CDH18: variants seen among roughly 807,000 people sequenced by gnomAD.
CDH18 encodes the protein cadherin-18.
In CDH18, 31 loss-of-function variants were observed where a neutral mutation model predicts 67.9. That is an observed-to-expected ratio of 0.46 (90% CI 0.34 to 0.62). The LOEUF (loss-of-function observed/expected upper bound fraction) is 0.62. Ranked by LOEUF, CDH18 falls within the 20% of genes least tolerant of loss-of-function variation. The pLI, the probability that CDH18 is intolerant of heterozygous loss-of-function variation, is 0.01. For synonymous variants in CDH18, 362 were observed against 347.2 expected, an observed-to-expected ratio of 1.04 and a Z score of -0.48; for missense variants, 890 against 975.5, an observed-to-expected ratio of 0.91 and a Z score of 1.17.
chr5:20,301,758 A>G (rs1735933342), intron 1 of CDH18, among the ~76,000 whole-genome samples: 1 of 147,842 alleles, frequency 6.8e-6, no homozygotes, highest in African/African-American at 2.5e-5. Context: ...TCCCCTCCAC[A>G]CCAGAAAAGG....
At chr5:19,867,294 C>G (rs10063709) in intron 2 of CDH18, among the ~76,000 whole-genome samples, 3,107 of 152,168 alleles carry the variant, frequency 0.02, 106 homozygotes, top group African/African-American at 0.069. Context: ...CTAAATCTTA[C>G]CTTCATAATC....
At chr5:20,504,178 C>T (rs1268087013) in intron 1 of CDH18, among the ~76,000 whole-genome samples, 1 of 152,050 alleles carries the variant, frequency 6.6e-6, no homozygotes. Context: ...ATTTAAGATA[C>T]TAGTGAGACG....
At chr5:19,970,215 A>C (rs187644960) in intron 2 of CDH18, among the ~76,000 whole-genome samples, 1 of 151,340 alleles carries the variant, frequency 6.6e-6, no homozygotes, top group Non-Finnish European at 1.5e-5. Context: ...TCAATGAATA[A>C]ATTATAATAA....
chr5:19,900,802 T>C (rs1013376435), intron 2 of CDH18, among the ~76,000 whole-genome samples: 20 of 152,198 alleles, frequency 1.3e-4, no homozygotes, highest in Non-Finnish European at 2.6e-4. Flanking sequence ...AAATAAACTT[T>C]AGCACTAAGA....
chr5:20,568,887 A>G (rs1758658014), intron 1 of CDH18, among the ~76,000 whole-genome samples: 1 of 152,180 alleles, frequency 6.6e-6, no homozygotes, highest in Non-Finnish European at 1.5e-5. Context: ...AAATAAATGC[A>G]CCAAAGGGGG....
chr5:19,881,090 G>A (rs1396334068), intron 2 of CDH18, among the ~76,000 whole-genome samples: 5 of 152,116 alleles, frequency 3.3e-5, no homozygotes, highest in African/African-American at 9.7e-5. Flanking sequence ...TTTATTAAAC[G>A]GTGCCATAAG....
At chr5:19,474,393 T>C (rs1396583493) in intron 12 of CDH18, among the ~76,000 whole-genome samples, 1 of 152,190 alleles carries the variant, frequency 6.6e-6, no homozygotes, top group African/African-American at 2.4e-5. Flanking sequence ...AACTTATTTA[T>C]TTAATTCTCA....
rs141928051 is a variant in CDH18 at position 19,978,809 on chromosome 5, G to A, written c.-257+2251C>T. On this transcript the variant is annotated intron_variant, in intron 2 of 12. Transcript: ENST00000382275. ...CCTCTTTCACTTTTAAAGAGCCTTG[G>A]GATTACATTGGACGCACCAAGTTTA... Among the ~76,000 whole-genome samples, 242 of 148,436 alleles carry A rather than the reference G, an allele frequency of 1.6e-3. 1 individual carries two copies. The highest frequency in any genetic ancestry group is 5.7e-3 in the African/African-American group (237 of 41,372).
At chr5:19,703,958 A>G (rs1255192754) in intron 5 of CDH18, among the ~76,000 whole-genome samples, 1 of 152,128 alleles carries the variant, frequency 6.6e-6, no homozygotes. Context: ...TACAAACAGG[A>G]GTCATTGATT....
chr5:20,560,468 T>TACACACACACACACAC (rs547246325), intron 1 of CDH18, among the ~76,000 whole-genome samples: 5 of 127,604 alleles, frequency 3.9e-5, no homozygotes, highest in Non-Finnish European at 6.7e-5. Flanking sequence ...CCAACACTCA[T>TACACACACACACACAC]ACACACACAC....
intron 2 of CDH18, among the ~76,000 whole-genome samples, chr5:19,883,266 A>G (rs552856924): frequency 6.6e-6 from 1 of 152,286 alleles, no homozygotes; most frequent in East Asian, 1.9e-4. Context: ...GTCTTGAGAA[A>G]TGATATAAAC....
At chr5:20,061,010 A>C (rs1353774584) in intron 2 of CDH18, among the ~76,000 whole-genome samples, 1 of 151,948 alleles carries the variant, frequency 6.6e-6, no homozygotes, top group Non-Finnish European at 1.5e-5. Context: ...TTCAATACTT[A>C]GGAAAGCAAT....
At chr5:19,918,564 T>G (rs573104148) in intron 2 of CDH18, among the ~76,000 whole-genome samples, 2 of 152,188 alleles carry the variant, frequency 1.3e-5, no homozygotes, top group Non-Finnish European at 2.9e-5. Context: ...AAATCACATT[T>G]GTTCACTGGT....
chr5:19,481,432 T>C (rs530661346), intron 12 of CDH18, among the ~76,000 whole-genome samples: 6 of 152,340 alleles, frequency 3.9e-5, no homozygotes, highest in African/African-American at 1.4e-4. Context: ...CTGTTATAAG[T>C]ATGCTACTCT....
At chr5:20,085,875 A>G (rs773457477) in intron 2 of CDH18, among the ~76,000 whole-genome samples, 8 of 152,210 alleles carry the variant, frequency 5.3e-5, no homozygotes, top group Admixed American at 2.0e-4. Flanking sequence ...CAGCCAAACC[A>G]TACTAATTAG....
chr5:20,404,226 C>T (rs2150133504), intron 1 of CDH18, among the ~76,000 whole-genome samples: 1 of 152,240 alleles, frequency 6.6e-6, no homozygotes, highest in East Asian at 1.9e-4. Flanking sequence ...ACCAGTAAAA[C>T]TTTCTTCATA....
intron 1 of CDH18, among the ~76,000 whole-genome samples, chr5:20,343,660 G>T (rs1387421025): frequency 2.0e-5 from 3 of 152,074 alleles, no homozygotes; most frequent in African/African-American, 7.2e-5. Flanking sequence ...GGACACAAGT[G>T]CTCAACTGGT....
intron 2 of CDH18, among the ~76,000 whole-genome samples, chr5:19,975,418 A>G (rs976012338): frequency 6.6e-6 from 1 of 152,164 alleles, no homozygotes; most frequent in African/African-American, 2.4e-5. Context: ...AAGTATGAAG[A>G]AAAGTAAATG....
chr5:20,189,672 C>T (rs10074811), intron 2 of CDH18, among the ~76,000 whole-genome samples: 108,197 of 152,054 alleles, frequency 0.71, 39,499 homozygotes, highest in African/African-American at 0.89. Context: ...AGGAAGATTA[C>T]GCACACGACA....
Sources: gnomAD v4.1 joint callset for allele counts (sites outside exome capture counted in the v4.1 genomes callset) on GRCh38, gnomAD v4.1.1 for gene constraint, MANE v1.5 for transcripts, NCBI Gene and HGNC (gene_info 2026-07-23, HGNC 2026-07-21) for gene names.